Variants in PTK2 observed in about 807,000 individuals in gnomAD.
PTK2 encodes focal adhesion kinase 1.
In PTK2, 45 loss-of-function variants were observed where a neutral mutation model predicts 150.1. The ratio of observed to expected loss-of-function variants is 0.30; its 90% confidence interval spans 0.24 to 0.38. The LOEUF is 0.38. Among genes scored for constraint, PTK2 ranks in the 10% least tolerant of loss-of-function variants. PTK2 has a pLI of 1.00. For missense variants in PTK2, 919 were observed against 1,307.3 expected, an observed-to-expected ratio of 0.70 and a Z score of 4.58; for synonymous variants, 432 against 449.2, an observed-to-expected ratio of 0.96 and a Z score of 0.48.
intron 2 of PTK2, among the ~76,000 whole-genome samples, chr8:140,923,316 T>A (rs1603227615): frequency 6.6e-6 from 1 of 152,108 alleles, no homozygotes; most frequent in Admixed American, 6.5e-5. Context: ...CTGCTAATAA[T>A]AACCTATACC....
At chr8:140,775,426 A>G (rs777886953) in intron 14 of PTK2, among the ~76,000 whole-genome samples, 14 of 152,258 alleles carry the variant, frequency 9.2e-5, no homozygotes, top group Admixed American at 6.5e-4. Context: ...TGGAGGTTGC[A>G]GTGAGCCAAG....
In PTK2 at chr8:140,686,629, T is replaced by C. The variant is rs769838913; in HGVS notation, c.2562+3A>G. 6.2e-7 allele frequency: 1 copy of C among 1,612,438 alleles called. No homozygotes were observed. Among genetic ancestry groups the C allele is most frequent in the Non-Finnish European group, 8.5e-7 (1 of 1,178,472 alleles). Reference sequence around the variant, plus strand: ...TCAAATCCTGCTGAAAACTCAGGCTTACCGGACCCTGAAGACTTCCATCCT... The same window carrying C: ...TCAAATCCTGCTGAAAACTCAGGCTCACCGGACCCTGAAGACTTCCATCCT... On this transcript the variant is annotated splice_donor_region_variant and intron_variant, in intron 27 of 31. Coordinates refer to ENST00000522684, the Ensembl canonical transcript of PTK2.
At chr8:140,703,920 CA>C (rs1210344767) in intron 24 of PTK2, among the ~76,000 whole-genome samples, 1 of 152,134 alleles carries the variant, frequency 6.6e-6, no homozygotes, top group Admixed American at 6.5e-5. Flanking sequence ...ACCGTATTTC[CA>C]AATATCAACA....
rs144662819 is a variant in PTK2 at position 140,709,042 on chromosome 8, T to C, written c.2143-2837A>G. 1.7e-4 allele frequency among the ~76,000 whole-genome samples: 26 copies of C among 152,240 alleles called. 2 individuals carry two copies. The highest frequency in any genetic ancestry group is 1.6e-3 in the Admixed American group (25 of 15,294). ...ACTACCTACTTTACATACAATTTGA[T>C]AATTTTGATCACCACATTGCTATGA... is the stretch of plus-strand genomic sequence containing the variant. On this transcript the variant is annotated intron_variant, in intron 23 of 31. Coordinates refer to ENST00000522684, the Ensembl canonical transcript of PTK2.
At chr8:140,926,062 C>A (rs2100169319) in intron 1 of PTK2, among the ~76,000 whole-genome samples, 1 of 152,146 alleles carries the variant, frequency 6.6e-6, no homozygotes, top group African/African-American at 2.4e-5. Context: ...CACAGAGAGG[C>A]CAGGTAACTT....
chr8:140,941,875 TTTTGTTTG>T (rs71810443), intron 1 of PTK2, among the ~76,000 whole-genome samples: 19 of 149,954 alleles, frequency 1.3e-4, no homozygotes, highest in African/African-American at 3.2e-4. Flanking sequence ...CCAGCTAACT[TTTTGTTTG>T]TTTGTTTGTT....
At chr8:140,801,833 T>C (rs914739050) in intron 11 of PTK2, among the ~76,000 whole-genome samples, 6 of 152,128 alleles carry the variant, frequency 3.9e-5, no homozygotes, top group African/African-American at 1.4e-4. Context: ...GGTCCGCATA[T>C]ACAATGGTGG....
intron 3 of PTK2, among the ~76,000 whole-genome samples, chr8:140,880,037 T>C (rs143027555): frequency 1.6e-4 from 24 of 152,310 alleles, no homozygotes; most frequent in Middle Eastern, 6.8e-3. Context: ...GGAGGGGTTA[T>C]ACTTTCAAAA....
At chr8:140,667,697 T>G (rs1173811235) in intron 30 of PTK2, among the ~76,000 whole-genome samples, 1 of 152,158 alleles carries the variant, frequency 6.6e-6, no homozygotes, top group East Asian at 1.9e-4. Context: ...GCATGATATT[T>G]TTATTTATTT....
rs561278901 is a variant in PTK2 at position 140,678,237 on chromosome 8, G to A, written c.2563-2738C>T. 1.5e-3 allele frequency among the ~76,000 whole-genome samples: 223 copies of A among 152,148 alleles called. 1 individual carries two copies. Among genetic ancestry groups the A allele is most frequent in the African/African-American group, 5.1e-3 (210 of 41,510 alleles). On this transcript the variant is annotated intron_variant, in intron 27 of 31. Transcript: ENST00000522684. ...ATGTTTTTGTATTTTTGGTAAAAACGGGGTTTCACCATGTTGGCCAGGCTG... is the reference window on the plus strand; with the variant it reads ...ATGTTTTTGTATTTTTGGTAAAAACAGGGTTTCACCATGTTGGCCAGGCTG...
At chr8:140,961,602 C>T (rs1209718962) in intron 1 of PTK2, among the ~76,000 whole-genome samples, 2 of 151,244 alleles carry the variant, frequency 1.3e-5, no homozygotes, top group African/African-American at 4.9e-5. Flanking sequence ...GTGGAGGTTG[C>T]AGTGAGCCAA....
In PTK2 at chr8:140,680,202, C is replaced by T. The variant is rs565533225; in HGVS notation, c.2563-4703G>A. 7.2e-5 allele frequency among the ~76,000 whole-genome samples: 11 copies of T among 152,200 alleles called. No homozygotes were observed. In the South Asian group the frequency reaches 2.1e-3, roughly 29 times the overall value. ...AAAGCAAACTGAGATCTTAGTTGGG[C>T]CCATCATGTGTCATCTGATTGTCTT... On this transcript the variant is annotated intron_variant, in intron 27 of 31. Transcript: ENST00000522684.
intron 2 of PTK2, among the ~76,000 whole-genome samples, chr8:140,895,298 T>C (rs2100155716): frequency 1.3e-5 from 2 of 152,118 alleles, no homozygotes. Context: ...GAGGCTGAGA[T>C]GGGAGGACAG....
intron 1 of PTK2, among the ~76,000 whole-genome samples, chr8:140,977,352 G>A (rs541945176): frequency 5.3e-5 from 8 of 152,248 alleles, no homozygotes; most frequent in East Asian, 1.9e-4. Context: ...GCATGGGCGC[G>A]GTAGCTCACG....
At chr8:140,681,764 G>A (rs914631090) in intron 27 of PTK2, among the ~76,000 whole-genome samples, 22 of 152,272 alleles carry the variant, frequency 1.4e-4, no homozygotes, top group African/African-American at 2.2e-4. Flanking sequence ...GCCACAGAGC[G>A]AGACTCCGTC....
chr8:140,686,987 C>T, intron 26 of PTK2: 1 of 339,744 alleles, frequency 2.9e-6, no homozygotes, highest in South Asian at 4.0e-5. Context: ...TGGCTTTCTT[C>T]TTCACTGAGA....
At chr8:140,803,324 C>T (rs1303046056) in intron 11 of PTK2, among the ~76,000 whole-genome samples, 1 of 152,136 alleles carries the variant, frequency 6.6e-6, no homozygotes, top group Non-Finnish European at 1.5e-5. Context: ...TCATCATTAT[C>T]TTTACAATAA....
At chr8:140,676,232 T>C (rs1045960177) in intron 27 of PTK2, among the ~76,000 whole-genome samples, 4 of 151,822 alleles carry the variant, frequency 2.6e-5, no homozygotes, top group African/African-American at 9.7e-5. Context: ...AAAAATTAGC[T>C]GGGCGTGGTG....
intron 2 of PTK2, among the ~76,000 whole-genome samples, chr8:140,923,473 A>C (rs1251491376): frequency 1.3e-5 from 2 of 152,256 alleles, no homozygotes; most frequent in Non-Finnish European, 2.9e-5. Flanking sequence ...AAAGAGCTGC[A>C]AAATGAGGCA....
Sources: allele counts gnomAD v4.1 joint callset (sites outside exome capture counted in the v4.1 genomes callset), GRCh38; gene constraint gnomAD v4.1.1; transcripts MANE v1.5; gene names NCBI Gene and HGNC (gene_info 2026-07-23, HGNC 2026-07-21).